NPAS3: variants seen among roughly 807,000 people sequenced by gnomAD.
NPAS3 encodes neuronal PAS domain-containing protein 3.
Under a neutral mutation model 73.1 loss-of-function variants are expected in NPAS3, and 14 were observed. The ratio of observed to expected loss-of-function variants is 0.19; its 90% CI spans 0.13 to 0.30. The LOEUF (loss-of-function observed/expected upper bound fraction) is 0.30, where lower values mean the gene tolerates loss of function less well. Ranked by LOEUF, NPAS3 falls within the 10% of genes least tolerant of loss-of-function variation. The pLI, the probability that NPAS3 is intolerant of heterozygous loss-of-function variation, is 1.00. For missense variants in NPAS3, 1,096 were observed against 1,250.0 expected (o/e 0.88, Z 1.86); for synonymous variants, 620 against 541.5 (o/e 1.14, Z -2.01).
chr14:33,639,300 T>C (rs1488199353), intron 5 of NPAS3, among the ~76,000 whole-genome samples: 1 of 152,058 alleles, frequency 6.6e-6, no homozygotes, highest in Non-Finnish European at 1.5e-5. Context: ...TCTCAAGAAA[T>C]AGGAGCTAGA....
chr14:33,194,865 C>T (rs2139531280), intron 2 of NPAS3, among the ~76,000 whole-genome samples: 1 of 152,120 alleles, frequency 6.6e-6, no homozygotes, highest in East Asian at 1.9e-4. Context: ...GGCTGAACCA[C>T]CCCATGAGAT....
At chr14:33,480,539 C>T (rs1479911562) in intron 4 of NPAS3, among the ~76,000 whole-genome samples, 1 of 127,942 alleles carries the variant, frequency 7.8e-6, no homozygotes. Flanking sequence ...CTCCCCGCCC[C>T]GCCCCCACCC....
chr14:33,597,132 T>C (rs2057266221), intron 5 of NPAS3, among the ~76,000 whole-genome samples: 1 of 152,330 alleles, frequency 6.6e-6, no homozygotes, highest in South Asian at 2.1e-4. Context: ...TTTCACTTAT[T>C]CCAAACAGGT....
intron 7 of NPAS3, among the ~76,000 whole-genome samples, chr14:33,767,298 G>A (rs986616693): frequency 1.3e-5 from 2 of 152,126 alleles, no homozygotes; most frequent in African/African-American, 4.8e-5. Flanking sequence ...TCTCATGCTG[G>A]TTCAGATTAA....
At chr14:32,938,514 AG>A (rs1229153050), upstream of NPAS3, among the ~76,000 whole-genome samples, 5 of 121,142 alleles carry the variant, frequency 4.1e-5, no homozygotes, top group Non-Finnish European at 8.9e-5. Context: ...AGAGAGAGAG[AG>A]AGAGAGAGAA....
chr14:33,484,201 A>T (rs186791708), intron 4 of NPAS3, among the ~76,000 whole-genome samples: 1 of 152,278 alleles, frequency 6.6e-6, no homozygotes, highest in Admixed American at 6.5e-5. Context: ...CATGGACGGC[A>T]GGGTTGTAGT....
intron 5 of NPAS3, chr14:33,581,970 G>T (rs540664493): frequency 1.7e-4 from 26 of 152,316 alleles, no homozygotes; most frequent in Admixed American, 1.7e-3. Flanking sequence ...ACCAGGCTTA[G>T]ATTATTGAAC....
intron 3 of NPAS3, among the ~76,000 whole-genome samples, chr14:33,366,044 A>G (rs1051991886): frequency 2.0e-5 from 3 of 152,224 alleles, no homozygotes; most frequent in Non-Finnish European, 4.4e-5. Context: ...TTTACTTGTT[A>G]GAAATATAGA....
chr14:33,692,030 G>A (rs2060249972), intron 6 of NPAS3, among the ~76,000 whole-genome samples: 1 of 152,166 alleles, frequency 6.6e-6, no homozygotes, highest in Non-Finnish European at 1.5e-5. Context: ...GAGATAGTGA[G>A]CCCGGAGAGG....
chr14:33,078,430 C>A (rs1398817208), intron 2 of NPAS3, among the ~76,000 whole-genome samples: 3 of 151,876 alleles, frequency 2.0e-5, no homozygotes, highest in Admixed American at 6.6e-5. Flanking sequence ...AAGATTCCTC[C>A]CCTGGAGAGG....
chr14:33,597,424 A>G (rs1163685720), intron 5 of NPAS3, among the ~76,000 whole-genome samples: 2 of 152,256 alleles, frequency 1.3e-5, no homozygotes, highest in African/African-American at 4.8e-5. Context: ...TCTGGAAGGC[A>G]TATGTCATGG....
chr14:33,536,836 A>G (rs1436854897), intron 4 of NPAS3, among the ~76,000 whole-genome samples: 2 of 152,202 alleles, frequency 1.3e-5, no homozygotes, highest in African/African-American at 2.4e-5. Context: ...ACTAAAACAT[A>G]GGTCCAAAGG....
chr14:33,764,703 T>C (rs2148335), intron 7 of NPAS3, among the ~76,000 whole-genome samples: 119,556 of 152,242 alleles, frequency 0.79, 47,083 homozygotes, highest in East Asian at 0.94. Flanking sequence ...CTCAGGGGGC[T>C]ATGAAGGGCG....
chr14:33,786,004 C>A (rs1405501449), intron 9 of NPAS3, among the ~76,000 whole-genome samples: 1 of 152,204 alleles, frequency 6.6e-6, no homozygotes, highest in Non-Finnish European at 1.5e-5. Flanking sequence ...CACCACCCCA[C>A]AGCAGGGAGA....
At chr14:33,716,476 A>T (rs535530213) in intron 6 of NPAS3, among the ~76,000 whole-genome samples, 4 of 152,286 alleles carry the variant, frequency 2.6e-5, no homozygotes, top group Admixed American at 2.0e-4. Flanking sequence ...TAAAATATAC[A>T]TGACATAAAA....
intron 2 of NPAS3, among the ~76,000 whole-genome samples, chr14:33,203,495 C>G (rs898001835): frequency 6.6e-6 from 1 of 152,082 alleles, no homozygotes; most frequent in Admixed American, 6.5e-5. Context: ...CAACAGGCCC[C>G]GGTGTGTGAT....
At chr14:33,471,818 G>A (rs774028733) in intron 4 of NPAS3, among the ~76,000 whole-genome samples, 6 of 152,232 alleles carry the variant, frequency 3.9e-5, no homozygotes, top group Non-Finnish European at 5.9e-5. Flanking sequence ...CAGGAGGTGA[G>A]CAGCAGGCAA....
At chr14:33,733,782 A>G (rs1054424101) in intron 6 of NPAS3, among the ~76,000 whole-genome samples, 6 of 152,178 alleles carry the variant, frequency 3.9e-5, no homozygotes, top group Non-Finnish European at 5.9e-5. Flanking sequence ...ACAAAAAAAA[A>G]GAGGAAAACC....
At chr14:33,196,499 G>A (rs2046358711) in intron 2 of NPAS3, among the ~76,000 whole-genome samples, 1 of 152,130 alleles carries the variant, frequency 6.6e-6, no homozygotes, top group African/African-American at 2.4e-5. Context: ...TATGCCTTCT[G>A]GCTCATGTGA....
Sources: gnomAD v4.1 joint callset for allele counts (sites outside exome capture counted in the v4.1 genomes callset) on GRCh38, gnomAD v4.1.1 for gene constraint, MANE v1.5 for transcripts, NCBI Gene and HGNC (gene_info 2026-07-23, HGNC 2026-07-21) for gene names.